The following NR2F1-AS1 variants were observed in gnomAD, a reference collection of about 807,000 sequenced individuals.
NR2F1-AS1 encodes NR2F1 antisense RNA 1.
At chr5:93,432,844 T>G (rs1231288416) in intron 4 of NR2F1-AS1, among the ~76,000 whole-genome samples, 1 of 152,192 alleles carries the variant, frequency 6.6e-6, no homozygotes, top group African/African-American at 2.4e-5. Flanking sequence ...TCTTTTTGTG[T>G]AATTTCTATT....
intron 4 of NR2F1-AS1, among the ~76,000 whole-genome samples, chr5:93,474,354 T>C (rs1750435727): frequency 6.6e-6 from 1 of 152,224 alleles, no homozygotes; most frequent in South Asian, 2.1e-4. Context: ...CAGAACCAAG[T>C]ATACTGCCTA....
chr5:93,481,311 AATATG>A (rs1162108254), intron 4 of NR2F1-AS1, among the ~76,000 whole-genome samples: 1 of 152,100 alleles, frequency 6.6e-6, no homozygotes, highest in Non-Finnish European at 1.5e-5. Context: ...TCCATTCATC[AATATG>A]ATATAACAAT....
intron 4 of NR2F1-AS1, among the ~76,000 whole-genome samples, chr5:93,540,555 T>G (rs551047549): frequency 6.6e-6 from 1 of 152,286 alleles, no homozygotes; most frequent in South Asian, 2.1e-4. Flanking sequence ...AAAAATTGCT[T>G]TGAAGCCTTC....
At chr5:93,580,445 C>A (rs898288570) in intron 1 of NR2F1-AS1, 4 of 152,378 alleles carry the variant, frequency 2.6e-5, no homozygotes, top group African/African-American at 9.6e-5. Flanking sequence ...TCAAGAGAAA[C>A]GACAACCATT....
chr5:93,571,857 AAT>A (rs1752776550), intron 1 of NR2F1-AS1, among the ~76,000 whole-genome samples: 2 of 145,688 alleles, frequency 1.4e-5, no homozygotes, highest in African/African-American at 5.6e-5. Context: ...CGGAAAAGGC[AAT>A]ATGATTTTTT....
chr5:93,453,385 G>C lies in NR2F1-AS1; in HGVS notation n.639-57843C>G, dbSNP rs146196006. On this transcript the variant is annotated intron_variant and non_coding_transcript_variant, in intron 4 of 5. Transcript: ENST00000660523. ...GAAAAGGACAAAGAAAAAAATATTTGAAAAAAATCACCATGGATTTTCTAA... is the reference window on the plus strand; with the variant it reads ...GAAAAGGACAAAGAAAAAAATATTTCAAAAAAATCACCATGGATTTTCTAA... 4.7e-4 allele frequency among the ~76,000 whole-genome samples: 72 copies of C among 151,662 alleles called. No homozygotes were observed. In the East Asian group the frequency reaches 0.014, roughly 29 times the overall value.
intron 4 of NR2F1-AS1, among the ~76,000 whole-genome samples, chr5:93,455,833 A>ACACACACACG (rs1319755421): frequency 6.9e-6 from 1 of 145,076 alleles, no homozygotes; most frequent in Non-Finnish European, 1.5e-5. Context: ...CATGTTAACT[A>ACACACACACG]CACACACACG....
intron 4 of NR2F1-AS1, among the ~76,000 whole-genome samples, chr5:93,492,580 C>T (rs73133258): frequency 6.6e-6 from 1 of 151,860 alleles, no homozygotes; most frequent in Non-Finnish European, 1.5e-5. Context: ...AGTCAAAGAC[C>T]TCAAAAGAAA....
At chr5:93,430,274 A>AAT (rs1749282965) in intron 4 of NR2F1-AS1, among the ~76,000 whole-genome samples, 3 of 152,198 alleles carry the variant, frequency 2.0e-5, no homozygotes, top group Admixed American at 2.0e-4. Context: ...CATAACCCCA[A>AAT]ATACAGTCAG....
intron 4 of NR2F1-AS1, among the ~76,000 whole-genome samples, chr5:93,464,080 CA>C (rs1319646336): frequency 6.6e-6 from 1 of 152,112 alleles, no homozygotes; most frequent in African/African-American, 2.4e-5. Flanking sequence ...GCTGTGTCCC[CA>C]CCCAAATCTC....
intron 4 of NR2F1-AS1, among the ~76,000 whole-genome samples, chr5:93,489,694 C>CA (rs1424157751): frequency 6.6e-6 from 1 of 152,008 alleles, no homozygotes; most frequent in Non-Finnish European, 1.5e-5. Context: ...TGCCTTTGCT[C>CA]AAAAAAGCCA....
At chr5:93,523,461 G>A (rs1751546905) in intron 4 of NR2F1-AS1, among the ~76,000 whole-genome samples, 1 of 152,210 alleles carries the variant, frequency 6.6e-6, no homozygotes, top group South Asian at 2.1e-4. Context: ...CGGCTCTGAA[G>A]AGAGCAGCGG....
In NR2F1-AS1 at chr5:93,446,005, T is replaced by G. The variant is rs934916647; in HGVS notation, n.639-50463A>C. ...GTCTTCAACAAAATTCAACAGCCCT[T>G]CATCCTAAAAACTCTCAATAAACTA... On this transcript the variant is annotated intron_variant and non_coding_transcript_variant, in intron 4 of 5. Coordinates refer to ENST00000660523, the Ensembl canonical transcript of NR2F1-AS1. 2.0e-5 allele frequency among the ~76,000 whole-genome samples: 3 copies of G among 152,166 alleles called. No individual in the cohort carries two copies. The East Asian group carries it at 5.8e-4, about 29-fold the overall frequency.
At chr5:93,511,725 A>G (rs1751299279) in intron 4 of NR2F1-AS1, among the ~76,000 whole-genome samples, 1 of 152,132 alleles carries the variant, frequency 6.6e-6, no homozygotes, top group Non-Finnish European at 1.5e-5. Context: ...AAGCTTTATC[A>G]CCTGAGCTCC....
At chr5:93,552,930 A>C (rs1438065212) in intron 4 of NR2F1-AS1, among the ~76,000 whole-genome samples, 2 of 152,098 alleles carry the variant, frequency 1.3e-5, no homozygotes, top group African/African-American at 4.8e-5. Flanking sequence ...AATTATATTG[A>C]CCCTGAACTG....
At chr5:93,545,616 T>C (rs1455255411) in intron 4 of NR2F1-AS1, among the ~76,000 whole-genome samples, 1 of 152,254 alleles carries the variant, frequency 6.6e-6, no homozygotes, top group Admixed American at 6.5e-5. Flanking sequence ...GGCAAATTGC[T>C]CTTTTTCTCT....
chr5:93,560,593 T>C (rs911160188), intron 2 of NR2F1-AS1, among the ~76,000 whole-genome samples: 2 of 152,230 alleles, frequency 1.3e-5, no homozygotes, highest in African/African-American at 4.8e-5. Flanking sequence ...TTAACTCAAA[T>C]AGGATGGTAT....
intron 4 of NR2F1-AS1, among the ~76,000 whole-genome samples, chr5:93,469,314 T>C (rs972342602): frequency 4.6e-5 from 7 of 152,070 alleles, no homozygotes; most frequent in Non-Finnish European, 1.0e-4. Flanking sequence ...CTGTAAGAAA[T>C]CTTAATGCAA....
intron 4 of NR2F1-AS1, among the ~76,000 whole-genome samples, chr5:93,480,978 T>C (rs1477299504): frequency 3.9e-5 from 6 of 152,026 alleles, no homozygotes; most frequent in South Asian, 2.1e-4. Flanking sequence ...ACATGATATA[T>C]AGAAAATAAA....
Sources: allele counts gnomAD v4.1 joint callset (sites outside exome capture counted in the v4.1 genomes callset), GRCh38; gene constraint gnomAD v4.1.1; transcripts MANE v1.5; gene names NCBI Gene and HGNC (gene_info 2026-07-23, HGNC 2026-07-21).